The following GPC6 variants were observed in gnomAD, a reference collection of about 807,000 sequenced individuals.
GPC6 encodes glypican 6.
In GPC6, 14 loss-of-function variants were observed where a neutral mutation model predicts 55.2. That is an observed-to-expected ratio of 0.25 (90% CI 0.17 to 0.40). The LOEUF is 0.40. Ranked by LOEUF, GPC6 falls within the 10% of genes least tolerant of loss-of-function variation. GPC6 has a pLI of 1.00. For missense variants in GPC6, 641 were observed against 708.5 expected (o/e 0.90, Z 1.08); for synonymous variants, 278 against 259.6 (o/e 1.07, Z -0.68).
chr13:93,943,882 T>A (rs903421300), intron 3 of GPC6, among the ~76,000 whole-genome samples: 2 of 152,230 alleles, frequency 1.3e-5, no homozygotes, highest in Admixed American at 6.5e-5. Flanking sequence ...ATAATTGCTG[T>A]TTCCGTCATA....
At chr13:93,611,648 G>T (rs1434513035) in intron 2 of GPC6, among the ~76,000 whole-genome samples, 2 of 152,150 alleles carry the variant, frequency 1.3e-5, no homozygotes, top group East Asian at 3.9e-4. Flanking sequence ...AATCAATAAA[G>T]TGATTCATCA....
chr13:94,206,518 C>T (rs1402661434), intron 4 of GPC6, among the ~76,000 whole-genome samples: 8 of 151,900 alleles, frequency 5.3e-5, no homozygotes, highest in Non-Finnish European at 1.2e-4. Context: ...CCTTGCTAAT[C>T]CTGGAGAGAC....
At chr13:93,571,199 C>G (rs1356018960) in intron 2 of GPC6, among the ~76,000 whole-genome samples, 3 of 152,084 alleles carry the variant, frequency 2.0e-5, no homozygotes, top group African/African-American at 7.2e-5. Context: ...CCAACTTTCT[C>G]TAACATTCTC....
intron 2 of GPC6, among the ~76,000 whole-genome samples, chr13:93,820,142 T>A (rs941533326): frequency 2.6e-5 from 4 of 152,164 alleles, no homozygotes; most frequent in Non-Finnish European, 5.9e-5. Context: ...TTAATGAACA[T>A]TCATGGTTGT....
At chr13:93,241,818 G>T (rs1421796426) in intron 1 of GPC6, among the ~76,000 whole-genome samples, 2 of 146,102 alleles carry the variant, frequency 1.4e-5, no homozygotes, top group Non-Finnish European at 3.0e-5. Flanking sequence ...ATTGAGTTTT[G>T]ACTGAACTGG....
At chr13:94,320,192 C>T (rs536500835) in intron 6 of GPC6, among the ~76,000 whole-genome samples, 28 of 152,258 alleles carry the variant, frequency 1.8e-4, no homozygotes, top group African/African-American at 6.3e-4. Flanking sequence ...TAGTTTTTAA[C>T]GTCAATGATT....
intron 2 of GPC6, among the ~76,000 whole-genome samples, chr13:93,755,008 G>A (rs1348514914): frequency 6.6e-6 from 1 of 152,194 alleles, no homozygotes; most frequent in African/African-American, 2.4e-5. Context: ...ATTTTTAAAT[G>A]TAGACAGGTA....
intron 6 of GPC6, among the ~76,000 whole-genome samples, chr13:94,380,315 A>G (rs1315779586): frequency 2.6e-5 from 4 of 152,202 alleles, no homozygotes; most frequent in Non-Finnish European, 5.9e-5. Context: ...GATTGTTTTG[A>G]AAAGAGTAAG....
At chr13:93,253,921 C>G (rs532551719) in intron 1 of GPC6, among the ~76,000 whole-genome samples, 1 of 152,270 alleles carries the variant, frequency 6.6e-6, no homozygotes, top group East Asian at 1.9e-4. Flanking sequence ...AAAATAATCA[C>G]ATTTATCACA....
At chr13:93,340,960 C>G (rs1880235016) in intron 1 of GPC6, among the ~76,000 whole-genome samples, 1 of 151,988 alleles carries the variant, frequency 6.6e-6, no homozygotes, top group African/African-American at 2.4e-5. Context: ...CCCTGGAGTC[C>G]TTTGCAACCT....
chr13:94,111,174 T>C (rs1044479684), intron 4 of GPC6, among the ~76,000 whole-genome samples: 3 of 152,116 alleles, frequency 2.0e-5, no homozygotes, highest in African/African-American at 7.2e-5. Context: ...TTTTCTATTA[T>C]ATTTTGTTTT....
At chr13:93,619,377 A>C (rs937519064) in intron 2 of GPC6, among the ~76,000 whole-genome samples, 10 of 152,206 alleles carry the variant, frequency 6.6e-5, no homozygotes, top group African/African-American at 2.4e-4. Context: ...ACTGTTTCAC[A>C]GCTGTAAACC....
At chr13:93,943,675 AGC>A (rs1878847739) in intron 3 of GPC6, among the ~76,000 whole-genome samples, 1 of 152,086 alleles carries the variant, frequency 6.6e-6, no homozygotes, top group Non-Finnish European at 1.5e-5. Flanking sequence ...AAATTTCAAA[AGC>A]CTTTTTAAAA....
At chr13:93,748,894 A>T (rs982351440) in intron 2 of GPC6, among the ~76,000 whole-genome samples, 2 of 137,396 alleles carry the variant, frequency 1.5e-5, no homozygotes, top group African/African-American at 5.0e-5. Context: ...AGAGGAACAC[A>T]AAGAAATCTG....
chr13:94,351,962 C>CAAAA (rs60206836), intron 6 of GPC6, among the ~76,000 whole-genome samples: 2 of 101,538 alleles, frequency 2.0e-5, no homozygotes, highest in African/African-American at 4.2e-5. Context: ...GAGAAGAAGG[C>CAAAA]AAAAAAAAAA....
chr13:93,993,284 ATTCT>A (rs1247217408), intron 3 of GPC6, among the ~76,000 whole-genome samples: 7 of 147,116 alleles, frequency 4.8e-5, no homozygotes, highest in South Asian at 2.1e-4. Flanking sequence ...ATTCATGAGC[ATTCT>A]TTCTTTCTTT....
intron 2 of GPC6, among the ~76,000 whole-genome samples, chr13:93,638,071 C>T (rs1302882511): frequency 1.3e-5 from 2 of 152,128 alleles, no homozygotes; most frequent in Admixed American, 1.3e-4. Flanking sequence ...ATGAAGTCAA[C>T]ATGTAACCTT....
intron 4 of GPC6, among the ~76,000 whole-genome samples, chr13:94,151,170 T>A (rs1887727218): frequency 6.6e-6 from 1 of 151,982 alleles, no homozygotes; most frequent in Admixed American, 6.6e-5. Context: ...GCTTACTGAA[T>A]GGTCTAATGC....
intron 3 of GPC6, among the ~76,000 whole-genome samples, chr13:93,850,451 A>G (rs1244441966): frequency 6.6e-6 from 1 of 152,014 alleles, no homozygotes; most frequent in Non-Finnish European, 1.5e-5. Flanking sequence ...TTTGCCAGTC[A>G]CAGATTTTAT....
Sources: gnomAD v4.1 joint callset for allele counts (sites outside exome capture counted in the v4.1 genomes callset) on GRCh38, gnomAD v4.1.1 for gene constraint, MANE v1.5 for transcripts, NCBI Gene and HGNC (gene_info 2026-07-23, HGNC 2026-07-21) for gene names.